Variants in CLN6 observed in about 807,000 individuals in gnomAD.
CLN6 encodes CLN6 transmembrane ER protein, also known as ceroid-lipofuscinosis neuronal protein 6.
CLN6 carries 22 observed loss-of-function variants against 33.3 expected under a neutral mutation model. That is an observed-to-expected ratio of 0.66 (90% CI 0.47 to 0.94). The LOEUF (loss-of-function observed/expected upper bound fraction) is 0.94. Among genes scored for constraint, CLN6 ranks in the 40% least tolerant of loss-of-function variants. The pLI is 0.00. For synonymous variants in CLN6, 201 were observed against 174.6 expected, an observed-to-expected ratio of 1.15 and a Z score of -1.19; for missense variants, 387 against 417.1, an observed-to-expected ratio of 0.93 and a Z score of 0.63.
In CLN6 at chr15:68,208,000, G is replaced by T; in HGVS notation, c.*140C>A. ...ACAAGACACACACACACACACACAC[G>T]AATCCACGCACACGAGGCACACCCC... On this transcript the variant is annotated 3_prime_UTR_variant, in exon 7 of 7. Transcript: ENST00000249806. 2 of 761,928 alleles carry T rather than the reference G, an allele frequency of 2.6e-6. No individual in the cohort carries two copies. Among genetic ancestry groups the T allele is most frequent in the Non-Finnish European group, 2.1e-6 (1 of 465,958 alleles). The allele number at this position is 761,928 out of a possible 1,614,324, so 47.2% of individuals were successfully genotyped here. A position where few individuals can be genotyped will look rare whatever the true frequency, so the allele number is the denominator to read the frequency against.
chr15:68,233,360 T>C (rs1175077993), upstream of CLN6, among the ~76,000 whole-genome samples: 4 of 152,198 alleles, frequency 2.6e-5, no homozygotes, highest in African/African-American at 9.6e-5. This position sits in a 1 kb window ranked among gnomAD's most constrained non-coding sequence, Gnocchi z 4.3. Context: ...GTGCCATCTC[T>C]TCTCCCCTTA....
chr15:68,229,592 C>A lies in CLN6; in HGVS notation c.-8G>T. Reference sequence around the variant, plus strand: ...CCTCCGCGTCGCCTCCATGGCTGCCCCGCAGGCCCCTCGGCCCTGCCTTTC... The same window carrying A: ...CCTCCGCGTCGCCTCCATGGCTGCCACGCAGGCCCCTCGGCCCTGCCTTTC... On this transcript the variant is annotated 5_prime_UTR_variant, in exon 1 of 7. Transcript: ENST00000249806. The A allele has an allele frequency of 6.8e-7, 1 of 1,461,030 alleles. No homozygotes were observed. The highest frequency in any genetic ancestry group is 1.3e-5 in the South Asian group (1 of 77,560). 90.5% of individuals were successfully genotyped at this position (1,461,030 alleles called of 1,614,324 possible).
rs989289774 is a variant in CLN6, at chr15:68,229,472, G to C, written c.83+30C>G. On this transcript the variant is annotated intron_variant, in intron 1 of 6. Coordinates refer to ENST00000249806, the MANE Select transcript of CLN6 (RefSeq NM_017882.3). ...CGAGGCCCCAGCGCACAGGCGCCTA[G>C]CCCGCCCTCTCACCCCGGCGCGCGC... The C allele has an allele frequency of 9.7e-6, 14 of 1,446,798 alleles. No homozygotes were observed. In the African/African-American group the frequency reaches 2.1e-4, roughly 21 times the overall value. 89.6% of individuals were successfully genotyped at this position (1,446,798 alleles called of 1,614,324 possible). A position where few individuals can be genotyped will look rare whatever the true frequency, so the allele number is the denominator to read the frequency against.
chr15:68,228,365 T>C lies in CLN6; in HGVS notation c.83+1137A>G, dbSNP rs1300450061. 6.6e-6 allele frequency among the ~76,000 whole-genome samples: 1 copy of C among 152,160 alleles called. No homozygotes were observed. The highest frequency in any genetic ancestry group is 1.9e-4 in the East Asian group (1 of 5,190). On this transcript the variant is annotated intron_variant, in intron 1 of 6. Coordinates refer to ENST00000249806, the MANE Select transcript of CLN6 (RefSeq NM_017882.3). This position sits in a 1 kb window ranked among gnomAD's most constrained non-coding sequence, Gnocchi z 4.4. ...CCCAGTGCCTATGGGATAAAGACTG[T>C]GTCCTTAACCTGTCACCTAGGACAG...
chr15:68,232,735 C>T (rs2093270108), upstream of CLN6, among the ~76,000 whole-genome samples: 1 of 152,154 alleles, frequency 6.6e-6, no homozygotes, highest in South Asian at 2.1e-4. The surrounding 1 kb of genome is among the most constrained non-coding windows in gnomAD (Gnocchi z 4.7). Flanking sequence ...TCCGAGTTCA[C>T]ACAGCCACTT....
intron 2 of CLN6, chr15:68,215,635 T>C (rs1401681059): frequency 6.6e-6 from 1 of 152,102 alleles, no homozygotes; most frequent in East Asian, 1.9e-4. Context: ...CCAAGCACCA[T>C]TAATTTTTAA....
chr15:68,231,686 C>G (rs564576493), upstream of CLN6, among the ~76,000 whole-genome samples: 297 of 152,356 alleles, frequency 1.9e-3, no homozygotes, highest in Non-Finnish European at 3.3e-3. Context: ...CTCTCTAGCT[C>G]ATTTAATCCT....
chr15:68,237,598 A>G (rs1892233907), intron 1 of CLN6, among the ~76,000 whole-genome samples: 3 of 152,252 alleles, frequency 2.0e-5, no homozygotes, highest in Admixed American at 2.0e-4. Context: ...CAGATTGACA[A>G]AATTACCTAA....
chr15:68,257,098 C>T (rs1892446402), exon 1 of CLN6: 1 of 407,872 alleles, frequency 2.5e-6, no homozygotes, highest in Non-Finnish European at 4.4e-6. Context: ...GACACCTGGC[C>T]TGACTTCTGC....
At chr15:68,226,187 C>G (rs905275526) in intron 1 of CLN6, among the ~76,000 whole-genome samples, 1 of 149,958 alleles carries the variant, frequency 6.7e-6, no homozygotes, top group African/African-American at 2.5e-5. Context: ...GGCGTGGTGC[C>G]GAGCACCTGT....
chr15:68,253,051 A>G, intron 1 of CLN6, among the ~76,000 whole-genome samples: 1 of 152,160 alleles, frequency 6.6e-6, no homozygotes, highest in South Asian at 2.1e-4. Context: ...TGTTCTTTTG[A>G]TGTATCAAAT....
rs766280255 is a variant in CLN6, at chr15:68,218,544, T to C, written c.190A>G (p.Ile64Val). Reference sequence around the variant, plus strand: ...CACCATTTCACACTCACCATGGCAATGGGACGCCCAAAGTCCAGAACCCAG... The same window carrying C: ...CACCATTTCACACTCACCATGGCAACGGGACGCCCAAAGTCCAGAACCCAG... ...QNWVLDFGRP[I>V]AMLVFPLEWF... The change falls in exon 2 of 7, where the codon ATT becomes GTT. Residue 64 changes from isoleucine (I) to valine (V), a missense_variant. By Grantham distance (29) the Ile-to-Val change is conservative (BLOSUM62 3). Transcript: ENST00000249806. 6.8e-6 allele frequency: 11 copies of C among 1,612,274 alleles called. No individual in the cohort carries two copies. The highest frequency in any genetic ancestry group is 2.2e-5 in the East Asian group (1 of 44,866).
chr15:68,229,752 G>GGCGGAGCGGA (rs55672378), upstream of CLN6: 14 of 328,014 alleles, frequency 4.3e-5, no homozygotes, highest in East Asian at 3.5e-4. Context: ...CCCGGGGCGG[G>GGCGGAGCGGA]GCGGAGCGGA....
intron 1 of CLN6, among the ~76,000 whole-genome samples, chr15:68,238,269 T>C (rs1168352877): frequency 6.6e-6 from 1 of 151,694 alleles, no homozygotes; most frequent in Non-Finnish European, 1.5e-5. Flanking sequence ...CTGGGTGTGG[T>C]GGCACGTGCC....
At chr15:68,214,194 C>T (rs1212247907) in intron 3 of CLN6, 96 bp downstream of exon 3, 36 of 935,930 alleles carry the variant, frequency 3.8e-5, no homozygotes, top group Non-Finnish European at 5.6e-5. Flanking sequence ...CAGGCAGGAG[C>T]GTGCTTGAGT....
At chr15:68,237,996 G>A (rs996711729) in intron 1 of CLN6, among the ~76,000 whole-genome samples, 10 of 152,106 alleles carry the variant, frequency 6.6e-5, no homozygotes, top group African/African-American at 2.4e-4. Flanking sequence ...GGTGGTGGGT[G>A]CCTGTAGTCC....
chr15:68,254,676 C>G, intron 1 of CLN6: 2 of 729,864 alleles, frequency 2.7e-6, no homozygotes, highest in Non-Finnish European at 5.0e-6. Flanking sequence ...GGAGATAAAA[C>G]CAAGATGAAG....
At chr15:68,223,416 GC>G (rs2093243323) in intron 1 of CLN6, among the ~76,000 whole-genome samples, 1 of 152,114 alleles carries the variant, frequency 6.6e-6, no homozygotes. Flanking sequence ...CAACACAGAG[GC>G]CCCACCCAGC....
intron 1 of CLN6, 107 bp from the exon 2 acceptor site, chr15:68,218,757 A>G: frequency 6.4e-6 from 5 of 784,154 alleles, no homozygotes; most frequent in Non-Finnish European, 8.8e-6. Context: ...ACAGGAGGAG[A>G]CACACATAAT....
Sources: gnomAD v4.1 joint callset for allele counts (sites outside exome capture counted in the v4.1 genomes callset) on GRCh38, gnomAD v4.1.1 for gene constraint, Gnocchi (gnomAD v3.1) non-coding constraint, MANE v1.5 for transcripts, NCBI Gene and HGNC (gene_info 2026-07-23, HGNC 2026-07-21) for gene names.